Variants in RMP64 observed in about 807,000 individuals in gnomAD.
RMP64 encodes the protein ribonuclease MRP subunit p64, also known as nucleolus and neural progenitor protein.
the RMP64 span, chr3:113,019,657 G>C: frequency 1.2e-6 from 2 of 1,609,798 alleles, no homozygotes; most frequent in Non-Finnish European, 1.7e-6. Context: ...TGCGAGGCGG[G>C]GGGACTTACG....
At chr3:113,018,608 G>A in the RMP64 span, among the ~76,000 whole-genome samples, 1 of 152,110 alleles carries the variant, frequency 6.6e-6, no homozygotes, top group Non-Finnish European at 1.5e-5. Context: ...GTGAAAAGAG[G>A]GATGAGGAAA....
At chr3:113,015,538 A>G in the RMP64 span, among the ~76,000 whole-genome samples, 1 of 151,668 alleles carries the variant, frequency 6.6e-6, no homozygotes, top group African/African-American at 2.4e-5. Context: ...TTCTAATACC[A>G]CTTTATCTGC....
the RMP64 span, among the ~76,000 whole-genome samples, chr3:113,010,144 T>G: frequency 6.6e-6 from 1 of 152,192 alleles, no homozygotes. Context: ...ATGACCAAAA[T>G]GACCGTAGCT....
chr3:113,013,849 AT>A, the RMP64 span: 1 of 831,718 alleles, frequency 1.2e-6, no homozygotes, highest in African/African-American at 1.7e-5. Context: ...CTGAGGTATA[AT>A]TGGTTATATT....
the RMP64 span, chr3:113,019,659 G>GGACTTACGAAAGGCGGAGC: frequency 8.1e-6 from 13 of 1,609,274 alleles, no homozygotes; most frequent in African/African-American, 1.3e-5. Context: ...CGAGGCGGGG[G>GGACTTACGAAAGGCGGAGC]GACTTACGAA....
At chr3:113,002,953 C>T in the RMP64 span, 1 of 152,308 alleles carries the variant, frequency 6.6e-6, no homozygotes, top group African/African-American at 2.4e-5. Context: ...AACTGGTTGC[C>T]ACAGCAGTGA....
the RMP64 span, chr3:113,013,451 GTTTT>G: frequency 8.6e-5 from 109 of 1,261,010 alleles, no homozygotes; most frequent in Middle Eastern, 5.9e-4. Context: ...AAAAAAAAGG[GTTTT>G]TTTTTTGTTT....
the RMP64 span, chr3:113,011,334 G>C: frequency 6.2e-7 from 1 of 1,612,874 alleles, no homozygotes; most frequent in Non-Finnish European, 8.5e-7. Flanking sequence ...GAATCCTAGC[G>C]ACCTCTTGAA....
the RMP64 span, chr3:113,008,077 TGGACATC>T: frequency 8.6e-7 from 1 of 1,165,528 alleles, no homozygotes; most frequent in Admixed American, 2.0e-5. Flanking sequence ...CTGCGGCTGC[TGGACATC>T]ACATTTTAAA....
the RMP64 span, among the ~76,000 whole-genome samples, chr3:113,007,526 C>T: frequency 6.6e-6 from 1 of 152,128 alleles, no homozygotes; most frequent in Non-Finnish European, 1.5e-5. Flanking sequence ...GCTCTTAATA[C>T]ATATTTGTGT....
At chr3:113,013,825 C>G in the RMP64 span, 16 of 734,536 alleles carry the variant, frequency 2.2e-5, no homozygotes, top group East Asian at 4.0e-4. Context: ...CACATTAAAA[C>G]AAAATTTATA....
chr3:113,005,774 A>G, the RMP64 span: 1 of 1,613,700 alleles, frequency 6.2e-7, no homozygotes, highest in Non-Finnish European at 8.5e-7. Context: ...ACAGTGTGAG[A>G]GTCTCCACTT....
chr3:113,013,057 G>C, the RMP64 span: 1 of 623,960 alleles, frequency 1.6e-6, no homozygotes, highest in Non-Finnish European at 2.8e-6. Context: ...AGCTATCAAT[G>C]CTCTTAGGAT....
the RMP64 span, chr3:113,011,281 A>G: frequency 6.2e-7 from 1 of 1,613,746 alleles, no homozygotes; most frequent in East Asian, 2.2e-5. Context: ...AAATTCAGTG[A>G]TATCAGAAGG....
the RMP64 span, chr3:113,011,632 G>C: frequency 2.8e-6 from 1 of 354,550 alleles, no homozygotes; most frequent in Admixed American, 4.2e-5. Flanking sequence ...TACCAGGAAA[G>C]ATATATATAT....
chr3:113,005,445 T>G, the RMP64 span: 622 of 796,700 alleles, frequency 7.8e-4, 2 homozygotes, highest in Non-Finnish European at 5.9e-5. Context: ...CCTCTGTGAG[T>G]CCAGGTGGTA....
At chr3:113,006,119 C>G in the RMP64 span, 3 of 730,992 alleles carry the variant, frequency 4.1e-6, no homozygotes, top group Non-Finnish European at 6.7e-6. Context: ...AGTCCTATGC[C>G]TGTGTACAAT....
the RMP64 span, chr3:113,019,552 G>A: frequency 1.2e-6 from 2 of 1,612,812 alleles, no homozygotes; most frequent in Admixed American, 3.3e-5. Context: ...CAAGGGCCGC[G>A]CCGGGGTTCT....
At chr3:113,004,085 A>C in the RMP64 span, 1 of 152,230 alleles carries the variant, frequency 6.6e-6, no homozygotes, top group Admixed American at 6.5e-5. Context: ...ACTTGTCTAG[A>C]ATGAAATCTC....
Sources: allele counts gnomAD v4.1 joint callset (sites outside exome capture counted in the v4.1 genomes callset), GRCh38; gene constraint gnomAD v4.1.1; transcripts MANE v1.5; gene names NCBI Gene and HGNC (gene_info 2026-07-23, HGNC 2026-07-21).